Variants in DAB1 observed in about 807,000 individuals in gnomAD.
DAB1 encodes disabled homolog 1.
DAB1 carries 15 observed loss-of-function variants against 64.6 expected under a neutral mutation model. That is an observed-to-expected ratio of 0.23 (90% CI 0.16 to 0.36). The LOEUF is 0.36. DAB1 is among the 10% of genes least tolerant of loss of function. DAB1 has a pLI of 1.00. For missense variants in DAB1, 596 were observed against 706.7 expected, an observed-to-expected ratio of 0.84 and a Z score of 1.78; for synonymous variants, 235 against 251.9, an observed-to-expected ratio of 0.93 and a Z score of 0.64.
At chr1:58,518,277 GGAGAAGAGAA>G (rs1278778501) in intron 2 of DAB1, among the ~76,000 whole-genome samples, 8 of 2,404 alleles carry the variant, frequency 3.3e-3, no homozygotes, top group African/African-American at 0.017. Flanking sequence ...AGAGAGGAGA[GGAGAAGAGAA>G]GAGAAGAGAA....
At chr1:57,051,362 A>G (rs1164744608) in intron 9 of DAB1, among the ~76,000 whole-genome samples, 2 of 152,246 alleles carry the variant, frequency 1.3e-5, no homozygotes, top group African/African-American at 4.8e-5. Context: ...CCAATTATCC[A>G]ACATCTTGAT....
At chr1:57,202,727 C>T (rs1359490717) in intron 2 of DAB1, among the ~76,000 whole-genome samples, 1 of 152,180 alleles carries the variant, frequency 6.6e-6, no homozygotes, top group Non-Finnish European at 1.5e-5. Flanking sequence ...ACCCTGTAAT[C>T]AAGTTATCAC....
intron 2 of DAB1, among the ~76,000 whole-genome samples, chr1:57,231,984 G>A (rs1002823175): frequency 2.0e-5 from 3 of 152,110 alleles, no homozygotes; most frequent in Admixed American, 6.6e-5. Context: ...TCCATTTGTG[G>A]AGACCTGTGC....
At chr1:57,504,987 A>T (rs775840541) in intron 7 of DAB1, among the ~76,000 whole-genome samples, 2 of 152,212 alleles carry the variant, frequency 1.3e-5, no homozygotes, top group Non-Finnish European at 2.9e-5. Flanking sequence ...AGAAGACATG[A>T]TGATGAAATG....
chr1:58,363,006 G>C (rs1644182098), intron 3 of DAB1, among the ~76,000 whole-genome samples: 1 of 152,170 alleles, frequency 6.6e-6, no homozygotes, highest in African/African-American at 2.4e-5. Flanking sequence ...CTCACTGTCT[G>C]CTCACATGGC....
intron 9 of DAB1, among the ~76,000 whole-genome samples, chr1:57,026,465 T>G (rs983626632): frequency 2.6e-5 from 4 of 152,182 alleles, no homozygotes; most frequent in African/African-American, 9.7e-5. Context: ...CATGACTTCA[T>G]GGTCACGTCA....
chr1:57,068,627 G>T (rs925857742), intron 8 of DAB1, among the ~76,000 whole-genome samples: 4 of 151,966 alleles, frequency 2.6e-5, no homozygotes, highest in Non-Finnish European at 4.4e-5. Flanking sequence ...GTGAAAAGTT[G>T]CAGGTCATCA....
At chr1:57,681,145 C>A (rs1186043869) in intron 6 of DAB1, among the ~76,000 whole-genome samples, 1 of 152,222 alleles carries the variant, frequency 6.6e-6, no homozygotes, top group Non-Finnish European at 1.5e-5. Flanking sequence ...TCCTCCTTTA[C>A]ATTTTTCTAG....
intron 2 of DAB1, among the ~76,000 whole-genome samples, chr1:57,167,238 C>T (rs1233198378): frequency 6.6e-6 from 1 of 152,140 alleles, no homozygotes; most frequent in Non-Finnish European, 1.5e-5. Context: ...ACAGCCACAG[C>T]AAGACCACTA....
At chr1:57,553,724 C>T (rs1052157414) in intron 7 of DAB1, among the ~76,000 whole-genome samples, 2 of 151,866 alleles carry the variant, frequency 1.3e-5, no homozygotes, top group Non-Finnish European at 2.9e-5. Context: ...GAGCGATGAG[C>T]CTAGAGAGTT....
chr1:57,599,865 C>T (rs977971808), intron 7 of DAB1, among the ~76,000 whole-genome samples: 1 of 152,178 alleles, frequency 6.6e-6, no homozygotes, highest in African/African-American at 2.4e-5. Flanking sequence ...ACACTCCATT[C>T]CGCTCTCCAG....
chr1:57,958,100 T>G (rs753388073), intron 5 of DAB1, among the ~76,000 whole-genome samples: 2 of 151,948 alleles, frequency 1.3e-5, no homozygotes, highest in Non-Finnish European at 2.9e-5. Flanking sequence ...TTCTCCTGCC[T>G]CAGCCTCCCA....
intron 5 of DAB1, among the ~76,000 whole-genome samples, chr1:58,119,363 T>C (rs543200733): frequency 5.3e-5 from 8 of 152,130 alleles, no homozygotes; most frequent in African/African-American, 1.9e-4. Context: ...GCATCCTACA[T>C]TATTTGTTAT....
intron 1 of DAB1, among the ~76,000 whole-genome samples, chr1:57,377,345 T>C (rs189435162): frequency 1.9e-4 from 29 of 151,622 alleles, no homozygotes; most frequent in African/African-American, 6.8e-4. Flanking sequence ...GTTTCTCAAA[T>C]GTGGTCTAGG....
At chr1:57,977,498 C>G (rs530050552) in intron 5 of DAB1, among the ~76,000 whole-genome samples, 1 of 152,278 alleles carries the variant, frequency 6.6e-6, no homozygotes, top group East Asian at 1.9e-4. Flanking sequence ...GTTAAGAGCT[C>G]TGCAACAAGA....
intron 6 of DAB1, among the ~76,000 whole-genome samples, chr1:57,795,718 T>G (rs572530846): frequency 7.4e-6 from 1 of 134,946 alleles, no homozygotes; most frequent in Non-Finnish European, 1.6e-5. Flanking sequence ...TATATATATA[T>G]ATATATATAT....
chr1:58,350,873 T>C (rs1644048848), intron 3 of DAB1, among the ~76,000 whole-genome samples: 1 of 152,188 alleles, frequency 6.6e-6, no homozygotes, highest in Non-Finnish European at 1.5e-5. Context: ...TGTAGTATAG[T>C]TTGAAGTTAG....
intron 2 of DAB1, among the ~76,000 whole-genome samples, chr1:57,273,662 C>A (rs1482716992): frequency 1.5e-5 from 2 of 132,716 alleles, no homozygotes; most frequent in African/African-American, 5.7e-5. Flanking sequence ...CTTCTCCACT[C>A]GAGTCAAACA....
At chr1:57,105,035 A>G (rs1311011052) in intron 4 of DAB1, among the ~76,000 whole-genome samples, 1 of 152,188 alleles carries the variant, frequency 6.6e-6, no homozygotes, top group Non-Finnish European at 1.5e-5. Context: ...ACACAAATGA[A>G]AATGATCACA....
Sources: gnomAD v4.1 joint callset for allele counts (sites outside exome capture counted in the v4.1 genomes callset) on GRCh38, gnomAD v4.1.1 for gene constraint, MANE v1.5 for transcripts, NCBI Gene and HGNC (gene_info 2026-07-23, HGNC 2026-07-21) for gene names.